Variants in NDUFAF2 observed in about 807,000 individuals in gnomAD.
NDUFAF2 encodes NADH:ubiquinone oxidoreductase complex assembly factor 2.
NDUFAF2 carries 13 observed loss-of-function variants against 22.8 expected under a neutral mutation model. The observed-to-expected ratio is 0.57, with a 90% CI of 0.37 to 0.91. The LOEUF is 0.91. Ranked by LOEUF, NDUFAF2 falls within the 40% of genes least tolerant of loss-of-function variation. NDUFAF2 has a pLI of 0.01. For missense variants in NDUFAF2, 162 were observed against 195.2 expected, an observed-to-expected ratio of 0.83 and a Z score of 1.01; for synonymous variants, 53 against 64.2, an observed-to-expected ratio of 0.83 and a Z score of 0.84.
intron 2 of NDUFAF2, among the ~76,000 whole-genome samples, chr5:61,077,888 G>A (rs1752389768): frequency 6.6e-6 from 1 of 152,190 alleles, no homozygotes; most frequent in South Asian, 2.1e-4. Flanking sequence ...ATGAAGAAGA[G>A]TGATTTAAGT....
At chr5:61,063,915 T>C (rs946239798) in intron 1 of NDUFAF2, among the ~76,000 whole-genome samples, 15 of 152,106 alleles carry the variant, frequency 9.9e-5, no homozygotes, top group Non-Finnish European at 1.3e-4. Context: ...TGTAAATGGA[T>C]TAAATTTTCC....
intron 2 of NDUFAF2, among the ~76,000 whole-genome samples, chr5:61,095,075 C>T (rs984765951): frequency 5.3e-5 from 8 of 152,094 alleles, no homozygotes; most frequent in African/African-American, 1.2e-4. Context: ...GCTATGTCAC[C>T]GAAACAGCAA....
intron 1 of NDUFAF2, among the ~76,000 whole-genome samples, chr5:60,961,192 G>GT (rs1343991270): frequency 3.3e-5 from 5 of 152,150 alleles, no homozygotes; most frequent in African/African-American, 1.2e-4. Flanking sequence ...AGGCATGGTG[G>GT]TTCACGCCTG....
At chr5:61,133,384 G>A (rs1360089664) in intron 3 of NDUFAF2, among the ~76,000 whole-genome samples, 1 of 152,088 alleles carries the variant, frequency 6.6e-6, no homozygotes, top group African/African-American at 2.4e-5. Flanking sequence ...CCACATACTT[G>A]GTGATTGATA....
At chr5:60,954,029 A>G (rs1227019950) in intron 1 of NDUFAF2, among the ~76,000 whole-genome samples, 2 of 152,300 alleles carry the variant, frequency 1.3e-5, no homozygotes, top group Non-Finnish European at 2.9e-5. Flanking sequence ...CTAGTGATAT[A>G]AGTTAGGATT....
chr5:61,112,036 C>A (rs1476052125), intron 3 of NDUFAF2, among the ~76,000 whole-genome samples: 6 of 152,000 alleles, frequency 3.9e-5, no homozygotes, highest in Non-Finnish European at 8.8e-5. Context: ...GGATTACAGG[C>A]GTGAGCCATG....
chr5:61,118,983 A>G (rs1274638251), intron 3 of NDUFAF2, among the ~76,000 whole-genome samples: 1 of 152,144 alleles, frequency 6.6e-6, no homozygotes, highest in Admixed American at 6.6e-5. Context: ...GTTATTAGTT[A>G]TGTTTATTTT....
intron 1 of NDUFAF2, among the ~76,000 whole-genome samples, chr5:61,028,050 A>G (rs1215564802): frequency 6.6e-6 from 1 of 152,014 alleles, no homozygotes; most frequent in Non-Finnish European, 1.5e-5. Flanking sequence ...AGTATATAAT[A>G]TGATGTCAAG....
rs552751113 is a variant in NDUFAF2, at chr5:61,089,534, G to A, written c.218-9458G>A. Among the ~76,000 whole-genome samples, 9 of 152,208 alleles carry A rather than the reference G, an allele frequency of 5.9e-5. No homozygotes were observed. In the East Asian group the frequency reaches 9.6e-4, roughly 16 times the overall value. On this transcript the variant is annotated intron_variant, in intron 2 of 3. Coordinates refer to ENST00000296597, the MANE Select transcript of NDUFAF2 (RefSeq NM_174889.5). ...ATAAGTGGTCACGTTGAGCATTTCC[G>A]GCTGTAGCCTTTACAGGATGCATAA... is the stretch of plus-strand genomic sequence containing the variant.
intron 1 of NDUFAF2, among the ~76,000 whole-genome samples, chr5:60,946,508 A>G (rs1195040198): frequency 1.1e-4 from 17 of 152,162 alleles, no homozygotes; most frequent in Non-Finnish European, 4.4e-5. Context: ...GGCAGGGAAT[A>G]TGTCTCACAA....
At chr5:61,074,249 C>G (rs913138011) in intron 2 of NDUFAF2, among the ~76,000 whole-genome samples, 7 of 152,130 alleles carry the variant, frequency 4.6e-5, no homozygotes, top group East Asian at 1.9e-4. Context: ...GCCAGGAGTT[C>G]AAGACCAGCC....
At chr5:60,986,389 A>ATTT (rs1751076751) in intron 1 of NDUFAF2, among the ~76,000 whole-genome samples, 1 of 152,238 alleles carries the variant, frequency 6.6e-6, no homozygotes, top group Non-Finnish European at 1.5e-5. Flanking sequence ...TAATGAAATT[A>ATTT]AGGCAGAAAA....
intron 1 of NDUFAF2, among the ~76,000 whole-genome samples, chr5:60,968,384 T>A (rs1750785102): frequency 6.6e-6 from 1 of 151,952 alleles, no homozygotes; most frequent in African/African-American, 2.4e-5. Context: ...AACTTTGAGC[T>A]AAGTTTAGTT....
intron 1 of NDUFAF2, among the ~76,000 whole-genome samples, chr5:61,013,078 T>A (rs1751460614): frequency 6.6e-6 from 1 of 152,082 alleles, no homozygotes; most frequent in Non-Finnish European, 1.5e-5. Flanking sequence ...AAAAAAAAAT[T>A]ATCTTCATAT....
At chr5:60,968,473 A>G (rs982215330) in intron 1 of NDUFAF2, among the ~76,000 whole-genome samples, 1 of 150,652 alleles carries the variant, frequency 6.6e-6, no homozygotes, top group African/African-American at 2.4e-5. Flanking sequence ...ATTGCCTTAA[A>G]TTTTCGTCAT....
intron 1 of NDUFAF2, among the ~76,000 whole-genome samples, chr5:60,967,591 T>G (rs1750774457): frequency 6.6e-6 from 1 of 151,942 alleles, no homozygotes; most frequent in Non-Finnish European, 1.5e-5. Context: ...TCTACATCTA[T>G]TGAGATGATC....
chr5:61,048,452 T>C (rs904808870), intron 1 of NDUFAF2, among the ~76,000 whole-genome samples: 5 of 152,176 alleles, frequency 3.3e-5, no homozygotes, highest in Non-Finnish European at 2.9e-5. Context: ...CAAAGGCATA[T>C]ATGGTTTTTG....
intron 1 of NDUFAF2, among the ~76,000 whole-genome samples, chr5:61,008,764 A>G (rs2112596238): frequency 6.6e-6 from 1 of 152,134 alleles, no homozygotes; most frequent in East Asian, 1.9e-4. Flanking sequence ...CTCATTCCAA[A>G]TCTTATGTTT....
chr5:61,036,817 C>T (rs184379017), intron 1 of NDUFAF2, among the ~76,000 whole-genome samples: 1 of 152,136 alleles, frequency 6.6e-6, no homozygotes, highest in East Asian at 1.9e-4. Context: ...AAAATAAATT[C>T]TCTAATGTTA....
Sources: gnomAD v4.1 joint callset for allele counts (sites outside exome capture counted in the v4.1 genomes callset) on GRCh38, gnomAD v4.1.1 for gene constraint, MANE v1.5 for transcripts, NCBI Gene and HGNC (gene_info 2026-07-23, HGNC 2026-07-21) for gene names.